XYLT1: variants seen among roughly 807,000 people sequenced by gnomAD.
The protein encoded by XYLT1 is beta-D-xylosyltransferase 1.
XYLT1 carries 36 observed loss-of-function variants against 91.3 expected under a neutral mutation model. The ratio of observed to expected loss-of-function variants is 0.39; its 90% CI spans 0.30 to 0.52. The LOEUF (loss-of-function observed/expected upper bound fraction) is 0.52. Ranked by LOEUF, XYLT1 falls within the 20% of genes least tolerant of loss-of-function variation. The pLI, the probability that XYLT1 is intolerant of heterozygous loss-of-function variation, is 0.68. For missense variants in XYLT1, 1,242 were observed against 1,284.5 expected (o/e 0.97, Z 0.51); for synonymous variants, 588 against 532.0 (o/e 1.11, Z -1.45).
intron 11 of XYLT1, among the ~76,000 whole-genome samples, chr16:17,114,488 G>A (rs1013262522): frequency 6.6e-6 from 1 of 152,144 alleles, no homozygotes; most frequent in South Asian, 2.1e-4. Context: ...GCTTGCTGAC[G>A]GGGAAAATTT....
chr16:17,418,310 T>C (rs953456004), intron 1 of XYLT1, among the ~76,000 whole-genome samples: 1 of 152,232 alleles, frequency 6.6e-6, no homozygotes, highest in African/African-American at 2.4e-5. Context: ...GAATGTAGTG[T>C]GTGAAAAGAT....
intron 1 of XYLT1, among the ~76,000 whole-genome samples, chr16:17,435,311 C>T (rs923493362): frequency 2.0e-5 from 3 of 152,206 alleles, no homozygotes; most frequent in Non-Finnish European, 2.9e-5. Context: ...GGGCTGACAG[C>T]GGGCCTCAGA....
At chr16:17,318,573 G>A (rs185977453) in intron 2 of XYLT1, among the ~76,000 whole-genome samples, 113 of 152,304 alleles carry the variant, frequency 7.4e-4, no homozygotes, top group African/African-American at 2.6e-3. Flanking sequence ...TTAGCAAAAT[G>A]CAACGTCATG....
chr16:17,169,727 G>A (rs542905130), intron 5 of XYLT1, among the ~76,000 whole-genome samples: 23 of 152,252 alleles, frequency 1.5e-4, no homozygotes, highest in Non-Finnish European at 2.2e-4. Context: ...CTATTTAACT[G>A]TATTTTGATT....
intron 11 of XYLT1, among the ~76,000 whole-genome samples, chr16:17,112,369 G>T (rs1966843545): frequency 6.6e-6 from 1 of 152,042 alleles, no homozygotes; most frequent in Non-Finnish European, 1.5e-5. Flanking sequence ...GGACAGGAGG[G>T]CTGCTCTCGG....
chr16:17,216,679 G>A (rs1043910465), intron 3 of XYLT1, among the ~76,000 whole-genome samples: 4 of 152,180 alleles, frequency 2.6e-5, no homozygotes, highest in African/African-American at 7.2e-5. Context: ...GCAAACCTAT[G>A]AGGTCCTGCT....
At chr16:17,173,989 G>C (rs557200856) in intron 5 of XYLT1, among the ~76,000 whole-genome samples, 1 of 152,066 alleles carries the variant, frequency 6.6e-6, no homozygotes, top group African/African-American at 2.4e-5. Context: ...AGGGTGGCAG[G>C]CTTCCCCAGG....
chr16:17,127,561 G>A, intron 10 of XYLT1, 105 bp downstream of exon 10: 1 of 1,349,350 alleles, frequency 7.4e-7, no homozygotes, highest in East Asian at 2.3e-5. Context: ...GGATCTCCAA[G>A]TCCTCTTCTC....
chr16:17,164,540 C>A (rs1054277241), intron 5 of XYLT1, among the ~76,000 whole-genome samples: 2 of 152,150 alleles, frequency 1.3e-5, no homozygotes, highest in Non-Finnish European at 2.9e-5. Flanking sequence ...TTTCTCTCTT[C>A]TATAGCCCCT....
At chr16:17,223,239 T>G (rs898905243) in intron 3 of XYLT1, among the ~76,000 whole-genome samples, 4 of 152,164 alleles carry the variant, frequency 2.6e-5, no homozygotes, top group Non-Finnish European at 5.9e-5. Context: ...TGGAGATGTG[T>G]TCCCAGCATT....
chr16:17,105,345 A>C lies in XYLT1; in HGVS notation c.*3350T>G, dbSNP rs1301202623. 1 of 152,238 alleles carries C rather than the reference A, an allele frequency of 6.6e-6. No homozygotes were observed. Among genetic ancestry groups the C allele is most frequent in the African/African-American group, 2.4e-5 (1 of 41,462 alleles). 9.4% of individuals were successfully genotyped at this position (152,238 alleles called of 1,614,324 possible). ...TCCTGTGGTTCTGCTCATCCTCTCT[A>C]AACTCCATTTGCGTTTTAGAAGTTA... On this transcript the variant is annotated 3_prime_UTR_variant, in exon 12 of 12. Transcript: ENST00000261381.
At chr16:17,253,103 C>A (rs996101817) in intron 3 of XYLT1, among the ~76,000 whole-genome samples, 1 of 152,158 alleles carries the variant, frequency 6.6e-6, no homozygotes. Context: ...ACACAATCCC[C>A]GTATGGGGTG....
intron 5 of XYLT1, among the ~76,000 whole-genome samples, chr16:17,197,202 C>A (rs576541937): frequency 1.6e-4 from 24 of 151,702 alleles, no homozygotes; most frequent in Non-Finnish European, 3.2e-4. Context: ...TCCACTGAAC[C>A]CTGCTGTTCC....
intron 2 of XYLT1, among the ~76,000 whole-genome samples, chr16:17,356,709 G>A (rs975640609): frequency 2.6e-5 from 4 of 152,176 alleles, no homozygotes; most frequent in African/African-American, 9.7e-5. Flanking sequence ...GAACAGGTTT[G>A]ACTGTGTCTG....
intron 1 of XYLT1, among the ~76,000 whole-genome samples, chr16:17,380,499 T>C (rs950705882): frequency 2.0e-5 from 3 of 152,180 alleles, no homozygotes; most frequent in Non-Finnish European, 2.9e-5. Context: ...CCTTTTCTCA[T>C]GGGGGAATTT....
chr16:17,240,070 T>C (rs1202692780), intron 3 of XYLT1, among the ~76,000 whole-genome samples: 1 of 152,210 alleles, frequency 6.6e-6, no homozygotes, highest in African/African-American at 2.4e-5. Context: ...AATACATGCA[T>C]ATTAATAAAC....
chr16:17,120,137 C>G (rs916162236), intron 10 of XYLT1, among the ~76,000 whole-genome samples: 1 of 152,150 alleles, frequency 6.6e-6, no homozygotes, highest in Non-Finnish European at 1.5e-5. Flanking sequence ...TGGGACCCTC[C>G]AGTGCCTAGC....
At chr16:17,387,653 C>A (rs1006472821) in intron 1 of XYLT1, among the ~76,000 whole-genome samples, 1 of 152,136 alleles carries the variant, frequency 6.6e-6, no homozygotes, top group South Asian at 2.1e-4. Flanking sequence ...GCTGCTACCC[C>A]CTCCCTGGAC....
intron 1 of XYLT1, among the ~76,000 whole-genome samples, chr16:17,436,312 G>C (rs1050938555): frequency 5.3e-5 from 8 of 152,212 alleles, no homozygotes; most frequent in Admixed American, 2.6e-4. Context: ...GGCCCAGAGA[G>C]ATGAAGTGAC....
Sources: gnomAD v4.1 joint callset for allele counts (sites outside exome capture counted in the v4.1 genomes callset) on GRCh38, gnomAD v4.1.1 for gene constraint, MANE v1.5 for transcripts, NCBI Gene and HGNC (gene_info 2026-07-23, HGNC 2026-07-21) for gene names.